Variants in NRXN1 observed in about 807,000 individuals in gnomAD.
The protein encoded by NRXN1 is neurexin-1.
NRXN1 carries 39 observed loss-of-function variants against 150.9 expected under a neutral mutation model. That is an observed-to-expected ratio of 0.26 (90% confidence interval 0.20 to 0.34). The LOEUF (loss-of-function observed/expected upper bound fraction) is 0.34, where lower values mean the gene tolerates loss of function less well. Among genes scored for constraint, NRXN1 ranks in the 10% least tolerant of loss-of-function variants. The pLI is 1.00. For synonymous variants in NRXN1, 924 were observed against 757.0 expected (o/e 1.22, Z -3.62); for missense variants, 1,815 against 1,949.9 (o/e 0.93, Z 1.30).
chr2:50,793,049 A>G (rs1439787602), intron 5 of NRXN1, among the ~76,000 whole-genome samples: 1 of 152,088 alleles, frequency 6.6e-6, no homozygotes, highest in Non-Finnish European at 1.5e-5. Context: ...AAATATTGGC[A>G]TTAGTTAACG....
chr2:50,649,354 G>A (rs986758634), intron 5 of NRXN1, among the ~76,000 whole-genome samples: 4 of 150,664 alleles, frequency 2.7e-5, no homozygotes, highest in Non-Finnish European at 5.9e-5. Flanking sequence ...GATTTCTTTA[G>A]GCAGTTATCT....
At chr2:50,458,755 T>C in intron 17 of NRXN1, among the ~76,000 whole-genome samples, 1 of 152,194 alleles carries the variant, frequency 6.6e-6, no homozygotes, top group Admixed American at 6.5e-5. Flanking sequence ...AATTTTTTTG[T>C]ATTTTTAGTA....
At chr2:50,157,092 C>T (rs186725203) in intron 18 of NRXN1, among the ~76,000 whole-genome samples, 1 of 152,076 alleles carries the variant, frequency 6.6e-6, no homozygotes, top group East Asian at 1.9e-4. Context: ...ACAGGTGGGG[C>T]AGGCATTAAA....
chr2:50,578,677 C>T (rs1247648684), intron 8 of NRXN1, among the ~76,000 whole-genome samples: 1 of 151,874 alleles, frequency 6.6e-6, no homozygotes, highest in Non-Finnish European at 1.5e-5. Context: ...TCCACCATCA[C>T]CATCCCTCAT....
intron 17 of NRXN1, among the ~76,000 whole-genome samples, chr2:50,313,841 C>T (rs1457427726): frequency 6.6e-6 from 1 of 152,036 alleles, no homozygotes; most frequent in Non-Finnish European, 1.5e-5. Flanking sequence ...CATGATTTTA[C>T]TTGTTAACTT....
At chr2:50,452,412 A>G (rs1430632011) in intron 17 of NRXN1, among the ~76,000 whole-genome samples, 2 of 152,326 alleles carry the variant, frequency 1.3e-5, no homozygotes, top group South Asian at 2.1e-4. Context: ...CAGACCTTAA[A>G]GACAAGGCAA....
intron 17 of NRXN1, among the ~76,000 whole-genome samples, chr2:50,287,134 T>A (rs2072296277): frequency 6.6e-6 from 1 of 152,094 alleles, no homozygotes; most frequent in Admixed American, 6.6e-5. Flanking sequence ...ATATAAAAAA[T>A]AATAATCCAG....
At position 50,552,970 on chromosome 2, in the gene NRXN1, C is replaced by T. The variant is rs748599191; in HGVS notation, c.1376G>A (p.Gly459Glu). Reference protein sequence around the residue: ...RLELSRLAKQGDPKMKIHGVV... With the variant: ...RLELSRLAKQEDPKMKIHGVV... Reference sequence around the variant, plus strand: ...TCCATGGATCTTCATCTTAGGATCTCCTTGCTTGGCAAGTCGAGATAATTC... The same window carrying T: ...TCCATGGATCTTCATCTTAGGATCTTCTTGCTTGGCAAGTCGAGATAATTC... Residue 459 changes from glycine to glutamate, a missense_variant, in exon 9 of 23, where the codon GGA becomes GAA. Coordinates refer to ENST00000401669, the MANE Select transcript of NRXN1 (RefSeq NM_001330078.2). 1.2e-6 allele frequency: 2 copies of T among 1,613,532 alleles called. No homozygotes were observed. The highest frequency in any genetic ancestry group is 8.5e-7 in the Non-Finnish European group (1 of 1,179,624).
intron 5 of NRXN1, among the ~76,000 whole-genome samples, chr2:50,666,111 T>A (rs1206111223): frequency 6.6e-6 from 1 of 151,946 alleles, no homozygotes; most frequent in African/African-American, 2.4e-5. Flanking sequence ...TCACTACAGA[T>A]TAGTTTACAA....
intron 5 of NRXN1, among the ~76,000 whole-genome samples, chr2:50,656,653 T>C (rs1573991132): frequency 6.6e-6 from 1 of 152,068 alleles, no homozygotes; most frequent in Non-Finnish European, 1.5e-5. Context: ...ATCACCACCA[T>C]TAATTTCATG....
chr2:50,371,570 T>C (rs2080029177), intron 17 of NRXN1, among the ~76,000 whole-genome samples: 1 of 152,184 alleles, frequency 6.6e-6, no homozygotes, highest in Admixed American at 6.6e-5. Context: ...GCAAGGTTAA[T>C]TAAATTATAG....
At chr2:50,265,138 A>G (rs2068706956) in intron 17 of NRXN1, among the ~76,000 whole-genome samples, 1 of 152,100 alleles carries the variant, frequency 6.6e-6, no homozygotes, top group African/African-American at 2.4e-5. Context: ...AAACTTCTCC[A>G]TTTCTGGGGG....
At chr2:50,042,080 T>C (rs1203407793) in intron 21 of NRXN1, among the ~76,000 whole-genome samples, 2 of 152,234 alleles carry the variant, frequency 1.3e-5, no homozygotes. Flanking sequence ...ACATGCTTTT[T>C]AAAAAACCAA....
At chr2:50,591,332 C>CTCT (rs1212920456) in intron 8 of NRXN1, among the ~76,000 whole-genome samples, 1 of 151,668 alleles carries the variant, frequency 6.6e-6, no homozygotes. Flanking sequence ...AGCTGACTGC[C>CTCT]TCTTCATAAT....
chr2:49,933,620 T>A (rs1283252215), intron 22 of NRXN1, among the ~76,000 whole-genome samples: 1 of 180 alleles, frequency 5.6e-3, no homozygotes, highest in Non-Finnish European at 0.014. Context: ...TAACATTCCT[T>A]TATCAGAAAC....
intron 5 of NRXN1, among the ~76,000 whole-genome samples, chr2:50,839,327 A>G (rs1375396200): frequency 6.6e-6 from 1 of 152,148 alleles, no homozygotes; most frequent in Non-Finnish European, 1.5e-5. Context: ...AAATTTAAAA[A>G]CTATGATTAA....
chr2:50,984,216 C>T (rs1011047602), intron 2 of NRXN1, among the ~76,000 whole-genome samples: 1 of 143,610 alleles, frequency 7.0e-6, no homozygotes, highest in Non-Finnish European at 1.5e-5. Context: ...AACTCCTGAC[C>T]TCAGGTGATC....
At chr2:50,099,333 G>A (rs62132528) in intron 18 of NRXN1, among the ~76,000 whole-genome samples, 23,789 of 150,276 alleles carry the variant, frequency 0.16, 2,152 homozygotes, top group South Asian at 0.21. Flanking sequence ...CTTTACTTTT[G>A]CAAATTTCCA....
At chr2:50,553,050 A>C (rs1340521546) in intron 8 of NRXN1, 25 bp from the exon 9 acceptor site, 1 of 1,496,330 alleles carries the variant, frequency 6.7e-7, no homozygotes, top group Non-Finnish European at 9.1e-7. Flanking sequence ...TAGCAGTGAG[A>C]AACTAGCCTC....
Sources: gnomAD v4.1 joint callset for allele counts (sites outside exome capture counted in the v4.1 genomes callset) on GRCh38, gnomAD v4.1.1 for gene constraint, MANE v1.5 for transcripts, NCBI Gene and HGNC (gene_info 2026-07-23, HGNC 2026-07-21) for gene names.